Variants in UBR4 observed in about 807,000 individuals in gnomAD.
UBR4 encodes E3 ubiquitin-protein ligase UBR4.
A neutral mutation model predicts 575.6 loss-of-function variants in UBR4; 124 were observed. The observed-to-expected ratio is 0.22, with a 90% confidence interval of 0.19 to 0.25. The LOEUF is 0.25. UBR4 is among the 10% of genes least tolerant of loss of function. UBR4 has a pLI of 1.00. For missense variants in UBR4, 4,818 were observed against 6,478.8 expected (o/e 0.74, Z 8.80); for synonymous variants, 2,455 against 2,473.7 (o/e 0.99, Z 0.22).
In UBR4 at chr1:19,210,172, G is replaced by A; in HGVS notation, c.77C>T (p.Thr26Ile). 1.3e-6 allele frequency: 2 copies of A among 1,536,066 alleles called. No homozygotes were observed. Among genetic ancestry groups the A allele is most frequent in the South Asian group, 1.2e-5 (1 of 82,762 alleles). The change falls in exon 1 of 106, where the codon ACC becomes ATC. Residue 26 changes from threonine (T) to isoleucine (I), a missense_variant. Around this residue, in one of 29 missense-constraint regions of UBR4, gnomAD observed 95 missense variants for 87.7 expected, o/e 1.08. Transcript: ENST00000375254. ...CCGCACAGCCACCTCCCAGCCCGGG[G>A]TCGTGTCCGCCCCCGTTGCCGGGGT... is the stretch of plus-strand genomic sequence containing the variant. ...PGTPATGADTTPGWEVAVRPL... is the reference protein window; with the variant it reads ...PGTPATGADTIPGWEVAVRPL...
rs1370297866 is a variant in UBR4 at position 19,126,668 on chromosome 1, G to C, written c.9229-13C>G. 4 of 1,611,726 alleles carry C rather than the reference G, an allele frequency of 2.5e-6. No homozygotes were observed. The highest frequency in any genetic ancestry group is 1.7e-5 in the Admixed American group (1 of 59,992). On this transcript the variant is annotated splice_polypyrimidine_tract_variant and intron_variant, in intron 63 of 105. Coordinates refer to ENST00000375254, the MANE Select transcript of UBR4 (RefSeq NM_020765.3). The stretch of plus-strand genomic sequence containing the variant: ...TGAGGGAAGATGACTGGGAGACAGA[G>C]AAAATACAGAGATGGGAAGAATGGC...
At chr1:19,209,918 C>T (rs951421355) in intron 1 of UBR4, among the ~76,000 whole-genome samples, 155 bp downstream of exon 1, 1 of 152,220 alleles carries the variant, frequency 6.6e-6, no homozygotes, top group Non-Finnish European at 1.5e-5. Flanking sequence ...GAAACCCAGG[C>T]AAGCCAGTCT....
chr1:19,167,914 TA>T, intron 28 of UBR4, 112 bp downstream of exon 28: 3 of 1,199,548 alleles, frequency 2.5e-6, no homozygotes, highest in Non-Finnish European at 3.3e-6. Context: ...TTCTTTTTGC[TA>T]AAGAAGTATA....
At chr1:19,147,913 G>A (rs1283626733) in intron 51 of UBR4, 80 bp downstream of exon 51, 43 of 1,555,616 alleles carry the variant, frequency 2.8e-5, no homozygotes, top group Non-Finnish European at 3.2e-5. Flanking sequence ...ACTTTGCTGT[G>A]CTGTTGCTTT....
intron 1 of UBR4, among the ~76,000 whole-genome samples, chr1:19,202,597 C>A (rs2092795613): frequency 6.6e-6 from 1 of 152,076 alleles, no homozygotes; most frequent in African/African-American, 2.4e-5. Context: ...TCCCCTACAC[C>A]ATCCCCCTGA....
intron 58 of UBR4, among the ~76,000 whole-genome samples, 187 bp downstream of exon 58, chr1:19,140,601 G>A (rs1385544358): frequency 5.9e-5 from 9 of 152,212 alleles, no homozygotes; most frequent in Admixed American, 1.3e-4. Flanking sequence ...GTGAGGAAGC[G>A]GAGCTGTGCG....
rs778371623 is a variant in UBR4 at position 19,100,740 on chromosome 1, A to G, written c.13024-167T>C. 3.3e-5 allele frequency among the ~76,000 whole-genome samples: 5 copies of G among 152,072 alleles called. No homozygotes were observed. The highest frequency in any genetic ancestry group is 7.4e-5 in the Non-Finnish European group (5 of 68,018). ...AACTCAGAGGTACTTCCAAAAATCTAAACAAACTCAAGTAGACTAAAATAT... is the reference window on the plus strand; with the variant it reads ...AACTCAGAGGTACTTCCAAAAATCTGAACAAACTCAAGTAGACTAAAATAT... On this transcript the variant is annotated intron_variant, in intron 88 of 105. Transcript: ENST00000375254. The surrounding 1 kb of genome is among the most constrained non-coding windows in gnomAD (Gnocchi z 4.2).
At chr1:19,095,278 A>T (rs902078750) in intron 93 of UBR4, among the ~76,000 whole-genome samples, 8 of 152,200 alleles carry the variant, frequency 5.3e-5, no homozygotes, top group Non-Finnish European at 8.8e-5. Context: ...AGACTGTTTA[A>T]GGGACTGCCT....
intron 21 of UBR4, 86 bp from the exon 22 acceptor site, chr1:19,174,533 T>C (rs2150974084): frequency 6.7e-7 from 1 of 1,502,152 alleles, no homozygotes; most frequent in South Asian, 1.2e-5. Context: ...ATCCTCATGA[T>C]TGACAAAATA....
intron 62 of UBR4, among the ~76,000 whole-genome samples, 155 bp downstream of exon 62, chr1:19,128,056 G>A (rs1391793160): frequency 6.6e-6 from 1 of 152,166 alleles, no homozygotes; most frequent in Non-Finnish European, 1.5e-5. Flanking sequence ...GCCAAAGCAG[G>A]CCCTGAATAC....
intron 60 of UBR4, among the ~76,000 whole-genome samples, chr1:19,133,502 C>T (rs375230828): frequency 6.6e-6 from 1 of 152,272 alleles, no homozygotes. Context: ...TCATCATCAT[C>T]ACTTCTTTCA....
chr1:19,164,227 C>T (rs2087908765), intron 33 of UBR4, 26 bp downstream of exon 33: 2 of 1,601,582 alleles, frequency 1.2e-6, no homozygotes, highest in Non-Finnish European at 8.5e-7. Flanking sequence ...ATGTTGTAAC[C>T]TACAGATACA....
intron 9 of UBR4, 112 bp from the exon 10 acceptor site, chr1:19,192,652 T>C: frequency 4.5e-6 from 5 of 1,108,310 alleles, no homozygotes; most frequent in Non-Finnish European, 6.7e-6. Flanking sequence ...CTCTTTTCAA[T>C]GATACATTCC....
At chr1:19,168,236 A>G in intron 27 of UBR4, 52 bp from the exon 28 acceptor site, 1 of 1,469,824 alleles carries the variant, frequency 6.8e-7, no homozygotes, top group Non-Finnish European at 9.1e-7. Flanking sequence ...CCCTGGAAAA[A>G]ATTCTCACAT....
intron 41 of UBR4, 109 bp from the exon 42 acceptor site, chr1:19,156,532 G>C: frequency 7.1e-7 from 1 of 1,403,464 alleles, no homozygotes; most frequent in Admixed American, 2.3e-5. Context: ...CCTGCCTTCA[G>C]ACAGTATTTA....
intron 57 of UBR4, 45 bp from the exon 58 acceptor site, chr1:19,140,937 C>G: frequency 6.4e-7 from 1 of 1,554,080 alleles, no homozygotes; most frequent in African/African-American, 1.4e-5. Context: ...CTCCAGGTCC[C>G]ATCCACAGCG....
rs764096420 is a variant in UBR4 at position 19,081,443 on chromosome 1, G to T, written c.15139C>A (p.Pro5047Thr). Residue 5047 changes from proline to threonine, a missense_variant, in exon 103 of 106, where the codon CCC (proline) becomes ACC (threonine). Transcript: ENST00000375254. ...YFTVLALHIL[P>T]PEQWRATRVE... ...CGTGTGGCTCTCCACTGCTCAGGGG[G>T]CAGGATGTGAAGGGCCAAGACTGTG... 5 of 1,613,950 alleles carry T rather than the reference G, an allele frequency of 3.1e-6. No individual in the cohort carries two copies. In the South Asian group the frequency reaches 4.4e-5, roughly 14 times the overall value.
chr1:19,109,230 C>G (rs2079569086), intron 81 of UBR4, among the ~76,000 whole-genome samples: 1 of 152,230 alleles, frequency 6.6e-6, no homozygotes, highest in African/African-American at 2.4e-5. Context: ...GGTGGCAGAG[C>G]CTTAGGCATG....
At chr1:19,174,556 A>G in intron 21 of UBR4, 109 bp from the exon 22 acceptor site, 1 of 1,419,288 alleles carries the variant, frequency 7.0e-7, no homozygotes, top group South Asian at 1.3e-5. Context: ...CCATCAAATC[A>G]TAATCATTAA....
Sources: gnomAD v4.1 joint callset for allele counts (sites outside exome capture counted in the v4.1 genomes callset) on GRCh38, gnomAD v4.1.1 for gene constraint, gnomAD v4.1.1 regional missense constraint, Gnocchi (gnomAD v3.1) non-coding constraint, MANE v1.5 for transcripts, NCBI Gene and HGNC (gene_info 2026-07-23, HGNC 2026-07-21) for gene names.